TTC34: variants seen among roughly 807,000 people sequenced by gnomAD.
TTC34 encodes tetratricopeptide repeat domain 34.
A neutral mutation model predicts 40.7 loss-of-function variants in TTC34; 44 were observed. The ratio of observed to expected loss-of-function variants is 1.08; its 90% CI spans 0.85 to 1.39. TTC34 has a LOEUF of 1.39. Ranked by LOEUF, TTC34 falls within the 40% of genes most tolerant of loss-of-function variation. The probability of loss-of-function intolerance (pLI) is 0.00; values close to 1 mark genes in which losing one functional copy is unlikely to be tolerated. For missense variants in TTC34, 884 were observed against 838.0 expected (o/e 1.05, Z -0.68); for synonymous variants, 422 against 398.6 (o/e 1.06, Z -0.70).
intron 6 of TTC34, among the ~76,000 whole-genome samples, chr1:2,683,674 C>T (rs557908950): frequency 2.0e-5 from 3 of 149,056 alleles, no homozygotes; most frequent in East Asian, 1.9e-4. Context: ...CACGCTGCAC[C>T]CCCAGGTGAC....
chr1:2,652,186 A>G (rs55714819), intron 6 of TTC34, among the ~76,000 whole-genome samples: 8 of 268 alleles, frequency 0.03, no homozygotes, highest in East Asian at 0.17. Flanking sequence ...CATCTGACAG[A>G]CTGGAACAGC....
intron 6 of TTC34, among the ~76,000 whole-genome samples, chr1:2,700,033 G>A (rs574717537): frequency 4.4e-4 from 54 of 122,940 alleles, no homozygotes; most frequent in African/African-American, 1.4e-3. Context: ...GCATCTGATA[G>A]CCTGGAGCAG....
intron 6 of TTC34, among the ~76,000 whole-genome samples, chr1:2,691,666 C>T (rs574515213): frequency 3.0e-5 from 3 of 99,504 alleles, no homozygotes; most frequent in Non-Finnish European, 2.4e-5. Flanking sequence ...ACCGACACCC[C>T]CAGGTGAGCA....
At chr1:2,676,682 CA>C in intron 6 of TTC34, among the ~76,000 whole-genome samples, 1 of 22,662 alleles carries the variant, frequency 4.4e-5, no homozygotes, top group East Asian at 1.2e-3. Flanking sequence ...GAGCAGCACC[CA>C]CACCCCCAGG....
intron 6 of TTC34, among the ~76,000 whole-genome samples, chr1:2,652,565 C>A (rs905142668): frequency 5.2e-4 from 74 of 142,306 alleles, no homozygotes; most frequent in African/African-American, 1.6e-3. Context: ...GCACCCACAC[C>A]CCCAGGTGAG....
At chr1:2,691,580 C>T (rs1475288584) in intron 6 of TTC34, among the ~76,000 whole-genome samples, 1 of 129,250 alleles carries the variant, frequency 7.7e-6, no homozygotes, top group African/African-American at 2.7e-5. Context: ...ACAGCACCCA[C>T]ATGCCCAGGT....
At chr1:2,657,402 C>A (rs189430835) in intron 6 of TTC34, among the ~76,000 whole-genome samples, 5 of 92,038 alleles carry the variant, frequency 5.4e-5, no homozygotes, top group African/African-American at 1.3e-4. Context: ...CATCTGACCT[C>A]CCGGAGCAGT....
At chr1:2,655,271 C>A (rs533266656) in intron 6 of TTC34, among the ~76,000 whole-genome samples, 17 of 44,552 alleles carry the variant, frequency 3.8e-4, no homozygotes, top group Non-Finnish European at 5.7e-4. Context: ...GAGCATCTGA[C>A]AGCCTGCAAC....
chr1:2,645,587 G>GGGGT lies in TTC34; in HGVS notation c.2227-25_2227-24insACCC. The GGGGT allele has an allele frequency of 7.0e-5, 16 of 229,528 alleles. No homozygotes were observed. The highest frequency in any genetic ancestry group is 1.9e-4 in the South Asian group (5 of 26,376). 14.2% of individuals were successfully genotyped at this position (229,528 alleles called of 1,614,324 possible). A position where few individuals can be genotyped will look rare whatever the true frequency, so the allele number is the denominator to read the frequency against. ...TCCTGCAAGGAGGGAGGGCGGGCGG[G>GGGGT]TGCAGAGTTGTCCTAAGTAGAGAAA... On this transcript the variant is annotated intron_variant, in intron 6 of 8. Coordinates refer to ENST00000401095, the Ensembl canonical transcript of TTC34. The surrounding 1 kb of genome is among the most constrained non-coding windows in gnomAD (Gnocchi z 4.7).
intron 6 of TTC34, among the ~76,000 whole-genome samples, chr1:2,675,104 TGGA>T (rs1639851824): frequency 1.7e-3 from 8 of 4,590 alleles, no homozygotes; most frequent in East Asian, 6.8e-3. Flanking sequence ...TCTGACAGCC[TGGA>T]GCAGTGCCCA....
intron 6 of TTC34, among the ~76,000 whole-genome samples, chr1:2,756,808 C>T (rs1477356627): frequency 8.2e-4 from 115 of 140,430 alleles, no homozygotes; most frequent in Middle Eastern, 3.5e-3. Flanking sequence ...CATCCGACAG[C>T]CTGGAGCAGA....
chr1:2,790,366 C>T lies in TTC34; in HGVS notation c.785-20G>A, dbSNP rs1643650184. On this transcript the variant is annotated intron_variant, in intron 2 of 8. Coordinates refer to ENST00000401095, the Ensembl canonical transcript of TTC34. ...GCTCACCTGCGGAGAGAAACAGAGG[C>T]GTGGGTTCTGCCTGGGGGGCCGACT... 2.5e-6 allele frequency: 1 copy of T among 398,558 alleles called. No individual in the cohort carries two copies. The highest frequency in any genetic ancestry group is 4.4e-5 in the Admixed American group (1 of 22,736). 24.7% of individuals were successfully genotyped at this position (398,558 alleles called of 1,614,324 possible).
chr1:2,783,049 C>T (rs1459950122), intron 6 of TTC34, among the ~76,000 whole-genome samples: 1 of 152,220 alleles, frequency 6.6e-6, no homozygotes, highest in African/African-American at 2.4e-5. Context: ...CCTCTCCCAA[C>T]TTTTATTTTA....
chr1:2,783,514 C>T, intron 6 of TTC34, 95 bp downstream of exon 6: 1 of 1,247,970 alleles, frequency 8.0e-7, no homozygotes, highest in Non-Finnish European at 1.0e-6. Flanking sequence ...TCAGGATGGC[C>T]TACCCGGCTC....
In TTC34 at chr1:2,687,523, C is replaced by T. The variant is rs540011569; in HGVS notation, c.2227-41960G>A. 3.6e-4 allele frequency among the ~76,000 whole-genome samples: 53 copies of T among 147,692 alleles called. 1 individual carries two copies. Among genetic ancestry groups the T allele is most frequent in the African/African-American group, 1.3e-3 (50 of 37,474 alleles). On this transcript the variant is annotated intron_variant, in intron 6 of 8. Transcript: ENST00000401095. The stretch of plus-strand genomic sequence containing the variant: ...ATCTGACATCCTTGAGCAGCACCCA[C>T]ACCCCCAGGTGAGCATCTGACAGCA...
intron 8 of TTC34, among the ~76,000 whole-genome samples, chr1:2,643,177 A>G (rs1191406479): frequency 6.6e-6 from 1 of 152,092 alleles, no homozygotes; most frequent in African/African-American, 2.4e-5. Context: ...GACTCCCCTG[A>G]GCCCGCGGCT....
Position 2,645,587 on chromosome 1 carries a change from G to GGGGGGGGGGGGGCCCCCC in TTC34, c.2227-25_2227-24insGGGGGGCCCCCCCCCCCC. 1 of 229,530 alleles carries GGGGGGGGGGGGGCCCCCC rather than the reference G, an allele frequency of 4.4e-6. No individual in the cohort carries two copies. 14.2% of individuals were successfully genotyped at this position (229,530 alleles called of 1,614,324 possible). ...TCCTGCAAGGAGGGAGGGCGGGCGG[G>GGGGGGGGGGGGGCCCCCC]TGCAGAGTTGTCCTAAGTAGAGAAA... On this transcript the variant is annotated intron_variant, in intron 6 of 8. Transcript: ENST00000401095. This position sits in a 1 kb window ranked among gnomAD's most constrained non-coding sequence, Gnocchi z 4.7.
chr1:2,700,086 C>A lies in TTC34; in HGVS notation c.2227-54523G>T, dbSNP rs775295861. Among the ~76,000 whole-genome samples, 26 of 121,500 alleles carry A rather than the reference C, an allele frequency of 2.1e-4. 5 individuals are homozygous for A. The highest frequency in any genetic ancestry group is 4.6e-4 in the Non-Finnish European group (24 of 51,804). The allele number at this position is 121,500 out of a possible 152,430, so 79.7% of individuals were successfully genotyped here. On this transcript the variant is annotated intron_variant, in intron 6 of 8. Transcript: ENST00000401095. ...GAGCATATGACCACCTGGAGCAGCA[C>A]CCACAGTCCCAGGTGAGCATCCGAG...
chr1:2,776,427 A>T (rs1643169902), intron 6 of TTC34: 1 of 126,942 alleles, frequency 7.9e-6, no homozygotes, highest in Non-Finnish European at 1.6e-5. Flanking sequence ...TTCCAACAGC[A>T]TGGAACAAGA....
Sources: allele counts gnomAD v4.1 joint callset (sites outside exome capture counted in the v4.1 genomes callset), GRCh38; gene constraint gnomAD v4.1.1; non-coding constraint Gnocchi (gnomAD v3.1); transcripts MANE v1.5; gene names NCBI Gene and HGNC (gene_info 2026-07-23, HGNC 2026-07-21).